PTPRD: variants seen among roughly 807,000 people sequenced by gnomAD.
PTPRD encodes the protein receptor-type tyrosine-protein phosphatase delta.
In PTPRD, 34 loss-of-function variants were observed where a neutral mutation model predicts 214.5. The ratio of observed to expected loss-of-function variants is 0.16; its 90% CI spans 0.12 to 0.21. PTPRD has a LOEUF of 0.21. Ranked by LOEUF, PTPRD falls within the 10% of genes least tolerant of loss-of-function variation. The probability of loss-of-function intolerance (pLI) is 1.00; values close to 1 mark genes in which losing one functional copy is unlikely to be tolerated. For synonymous variants in PTPRD, 1,128 were observed against 845.7 expected, an observed-to-expected ratio of 1.33 and a Z score of -5.79; for missense variants, 2,545 against 2,398.7, an observed-to-expected ratio of 1.06 and a Z score of -1.27.
chr9:8,864,050 C>T (rs1311615949), intron 11 of PTPRD, among the ~76,000 whole-genome samples: 1 of 152,118 alleles, frequency 6.6e-6, no homozygotes, highest in African/African-American at 2.4e-5. Flanking sequence ...ACTGATGAAA[C>T]AGGCTCCATC....
chr9:10,198,577 C>A (rs1170875585), intron 3 of PTPRD, among the ~76,000 whole-genome samples: 1 of 152,068 alleles, frequency 6.6e-6, no homozygotes, highest in Non-Finnish European at 1.5e-5. Flanking sequence ...GGATCCATTA[C>A]AGGACTGTTA....
intron 2 of PTPRD, among the ~76,000 whole-genome samples, chr9:10,566,500 C>A (rs183311992): frequency 6.6e-6 from 1 of 151,944 alleles, no homozygotes; most frequent in African/African-American, 2.4e-5. Context: ...CATATGATAA[C>A]TGGTTATTTC....
chr9:9,863,799 G>A (rs556463545), intron 5 of PTPRD, among the ~76,000 whole-genome samples: 2 of 146,658 alleles, frequency 1.4e-5, no homozygotes, highest in Admixed American at 1.4e-4. Context: ...AAGGTAGCAA[G>A]AATTGCTATT....
At chr9:8,915,724 A>G (rs1225168919) in intron 11 of PTPRD, among the ~76,000 whole-genome samples, 2 of 152,172 alleles carry the variant, frequency 1.3e-5, no homozygotes, top group Non-Finnish European at 2.9e-5. Flanking sequence ...GCTCCAGGCA[A>G]TCAGGCAGGA....
At chr9:9,943,667 A>G (rs2092039891) in intron 4 of PTPRD, among the ~76,000 whole-genome samples, 1 of 152,102 alleles carries the variant, frequency 6.6e-6, no homozygotes, top group South Asian at 2.1e-4. Flanking sequence ...AGTCATTTCA[A>G]GAAAGCAACA....
At chr9:9,675,395 CA>C (rs2154393341) in intron 7 of PTPRD, among the ~76,000 whole-genome samples, 1 of 151,204 alleles carries the variant, frequency 6.6e-6, no homozygotes, top group African/African-American at 2.4e-5. Context: ...AACATTAGAA[CA>C]ATTCTAAAGA....
At chr9:9,763,909 A>G (rs1028646532) in intron 6 of PTPRD, among the ~76,000 whole-genome samples, 1 of 152,074 alleles carries the variant, frequency 6.6e-6, no homozygotes, top group Non-Finnish European at 1.5e-5. Context: ...TCTCACCCTC[A>G]TGCCTCTATA....
rs141783578 is a variant in PTPRD, at chr9:8,896,313, C to T, written c.-104+122384G>A. The stretch of plus-strand genomic sequence containing the variant: ...CAGAATTGGTTATGGACATGATTTC[C>T]ATTGTCTCCAATCACAATAGCTTCT... On this transcript the variant is annotated intron_variant, in intron 11 of 45. Coordinates refer to ENST00000381196, the MANE Select transcript of PTPRD (RefSeq NM_002839.4). Among the ~76,000 whole-genome samples the T allele has an allele frequency of 4.2e-3, 634 of 152,260 alleles. 2 individuals carry two copies. The highest frequency in any genetic ancestry group is 6.7e-3 in the Non-Finnish European group (454 of 68,020).
rs572880222 is a variant in PTPRD at position 9,117,102 on chromosome 9, C to G, written c.-143+66202G>C. On this transcript the variant is annotated intron_variant, in intron 10 of 45. Coordinates refer to ENST00000381196, the MANE Select transcript of PTPRD (RefSeq NM_002839.4). Reference sequence around the variant, plus strand: ...ACTCCTGAAAGCAGAAGGATGCTATCTGGACACTGAATAGAAACTCTGAAG... The same window carrying G: ...ACTCCTGAAAGCAGAAGGATGCTATGTGGACACTGAATAGAAACTCTGAAG... 2.6e-5 allele frequency among the ~76,000 whole-genome samples: 4 copies of G among 152,188 alleles called. No individual in the cohort carries two copies. The South Asian group carries it at 6.2e-4, about 24-fold the overall frequency.
intron 12 of PTPRD, among the ~76,000 whole-genome samples, chr9:8,719,847 TA>T (rs1052877142): frequency 6.7e-6 from 1 of 149,048 alleles, no homozygotes. Context: ...TCATTTACTC[TA>T]AAAAAAAGAA....
chr9:10,218,710 G>A (rs963177465), intron 3 of PTPRD, among the ~76,000 whole-genome samples: 11 of 151,752 alleles, frequency 7.2e-5, no homozygotes, highest in African/African-American at 2.4e-4. Context: ...GAAATGTCTG[G>A]TATAAAGTTC....
Position 8,643,356 on chromosome 9 carries a change from GGGAA to G in PTPRD, c.65-6516_65-6513del, listed in dbSNP as rs543851119. 1.3e-3 allele frequency among the ~76,000 whole-genome samples: 197 copies of G among 151,858 alleles called. 1 individual carries two copies. In the South Asian group the frequency reaches 0.015, roughly 11 times the overall value. On this transcript the variant is annotated intron_variant, in intron 12 of 45. Transcript: ENST00000381196. ...AATATAGGTATTAGGAAGGGAGGGA[GGGAA>G]GGAAGGAAGGAAGGCAGGAAGAAAG...
chr9:8,550,089 G>A (rs1344349251), intron 14 of PTPRD, among the ~76,000 whole-genome samples: 1 of 152,076 alleles, frequency 6.6e-6, no homozygotes, highest in Admixed American at 6.5e-5. Context: ...TAGAAGACTT[G>A]TTTAGTTTTT....
intron 12 of PTPRD, among the ~76,000 whole-genome samples, chr9:8,706,346 T>C (rs989660193): frequency 6.6e-6 from 1 of 152,176 alleles, no homozygotes; most frequent in African/African-American, 2.4e-5. Context: ...CTGACTCGAA[T>C]ATTATTGTAG....
intron 3 of PTPRD, among the ~76,000 whole-genome samples, chr9:10,074,428 G>T (rs1460322268): frequency 1.3e-5 from 2 of 152,004 alleles, no homozygotes. Context: ...ATGTACTCAG[G>T]GTGTTATTGG....
chr9:9,878,796 T>C (rs938187764), intron 5 of PTPRD, among the ~76,000 whole-genome samples: 1 of 152,192 alleles, frequency 6.6e-6, no homozygotes, highest in African/African-American at 2.4e-5. Flanking sequence ...AATACATGGC[T>C]TTTATCACAT....
chr9:9,164,443 G>A (rs1052527379), intron 10 of PTPRD, among the ~76,000 whole-genome samples: 6 of 152,068 alleles, frequency 3.9e-5, no homozygotes, highest in Non-Finnish European at 5.9e-5. Context: ...TTCTGATCAC[G>A]ATATCTTTAA....
intron 34 of PTPRD, among the ~76,000 whole-genome samples, chr9:8,448,587 T>C (rs2095825209): frequency 6.6e-6 from 1 of 152,156 alleles, no homozygotes; most frequent in African/African-American, 2.4e-5. Flanking sequence ...TGAAATAATT[T>C]TTTTTAAAGT....
intron 3 of PTPRD, among the ~76,000 whole-genome samples, chr9:10,146,220 T>TATCCATCC (rs143864822): frequency 6.0e-5 from 9 of 149,530 alleles, no homozygotes; most frequent in South Asian, 2.1e-4. Flanking sequence ...CATACTATTC[T>TATCCATCC]ATCCATCCAT....
Sources: gnomAD v4.1 joint callset for allele counts (sites outside exome capture counted in the v4.1 genomes callset) on GRCh38, gnomAD v4.1.1 for gene constraint, MANE v1.5 for transcripts, NCBI Gene and HGNC (gene_info 2026-07-23, HGNC 2026-07-21) for gene names.